Variants in FAM98B observed in about 807,000 individuals in gnomAD.
FAM98B encodes the protein tRNA splicing ligase complex subunit 3B.
Under a neutral mutation model 43.9 loss-of-function variants are expected in FAM98B, and 32 were observed. The observed-to-expected ratio is 0.73, with a 90% CI of 0.55 to 0.98. The LOEUF (loss-of-function observed/expected upper bound fraction) is 0.98, where lower values mean the gene tolerates loss of function less well. Ranked by LOEUF, FAM98B falls within the 50% of genes least tolerant of loss-of-function variation. The pLI, the probability that FAM98B is intolerant of heterozygous loss-of-function variation, is 0.00. For synonymous variants in FAM98B, 190 were observed against 174.0 expected, an observed-to-expected ratio of 1.09 and a Z score of -0.72; for missense variants, 514 against 522.9, an observed-to-expected ratio of 0.98 and a Z score of 0.17.
chr15:38,466,820 C>T (rs1362886640), intron 3 of FAM98B, among the ~76,000 whole-genome samples: 4 of 152,114 alleles, frequency 2.6e-5, no homozygotes, highest in Non-Finnish European at 4.4e-5. Flanking sequence ...CATTTATAAT[C>T]TCACTCCCTA....
intron 6 of FAM98B, 121 bp downstream of exon 6, chr15:38,474,419 A>G: frequency 1.7e-6 from 1 of 601,802 alleles, no homozygotes; most frequent in Non-Finnish European, 3.0e-6. Flanking sequence ...CTACATGCCC[A>G]GGCCAACTAC....
intron 6 of FAM98B, among the ~76,000 whole-genome samples, chr15:38,476,546 A>G (rs1032801072): frequency 6.7e-6 from 1 of 148,380 alleles, no homozygotes; most frequent in African/African-American, 2.5e-5. Flanking sequence ...TCCTTTTTTA[A>G]TTCAGTTTCT....
Position 38,464,186 on chromosome 15 carries a change from A to G in FAM98B, c.217+9A>G, listed in dbSNP as rs572335160. On this transcript the variant is annotated intron_variant, in intron 2 of 7. Transcript: ENST00000397609. Reference sequence around the variant, plus strand: ...AAGTATCACGTCTGCTGGTATTGCCATTATGTTGTATTTACTTTTCTGTTT... The same window carrying G: ...AAGTATCACGTCTGCTGGTATTGCCGTTATGTTGTATTTACTTTTCTGTTT... 4.4e-6 allele frequency: 7 copies of G among 1,603,590 alleles called. No individual in the cohort carries two copies. Among genetic ancestry groups the G allele is most frequent in the Non-Finnish European group, 6.0e-6 (7 of 1,174,346 alleles).
chr15:38,458,524 A>G (rs1264012805), intron 1 of FAM98B, among the ~76,000 whole-genome samples: 1 of 152,042 alleles, frequency 6.6e-6, no homozygotes, highest in Non-Finnish European at 1.5e-5. Flanking sequence ...TCACACACAC[A>G]TCTCGGGAAC....
chr15:38,459,280 A>G (rs943746042), intron 1 of FAM98B: 1 of 494,354 alleles, frequency 2.0e-6, no homozygotes, highest in Non-Finnish European at 4.1e-6. Flanking sequence ...CTTGGGGCAG[A>G]CACGTCCCTG....
chr15:38,464,419 T>C (rs75836903), intron 2 of FAM98B, among the ~76,000 whole-genome samples: 2,310 of 152,284 alleles, frequency 0.015, 22 homozygotes, highest in Middle Eastern at 0.037. Context: ...TCCTGACGGC[T>C]CTGATATCTG....
rs1890303963 is a variant in FAM98B, at chr15:38,482,899, A to G, written c.898-1356A>G. On this transcript the variant is annotated intron_variant, in intron 7 of 7. Transcript: ENST00000397609. ...TTTATTTTTGAAAGGATTATAAAGC[A>G]TAGTAAAGGAATTATATTAACTGTG... 3 of 152,224 alleles carry G rather than the reference A, an allele frequency of 2.0e-5. No homozygotes were observed. In the South Asian group the frequency reaches 6.2e-4, roughly 31 times the overall value. The allele number at this position is 152,224 out of a possible 1,614,324, so 9.4% of individuals were successfully genotyped here.
At position 38,481,074 on chromosome 15, in the gene FAM98B, C is replaced by T. The variant is rs552003252; in HGVS notation, c.730-218C>T. On this transcript the variant is annotated intron_variant, in intron 6 of 7. Coordinates refer to ENST00000397609, the MANE Select transcript of FAM98B (RefSeq NM_173611.4). ...AAATTTTTTTGTTATTATTTTTTAG[C>T]GAGTTGTTGCTGGTAGTTACATATT... Among the ~76,000 whole-genome samples the T allele has an allele frequency of 3.2e-4, 48 of 151,866 alleles. No homozygotes were observed. The South Asian group carries it at 9.2e-3, about 29-fold the overall frequency.
intron 1 of FAM98B, among the ~76,000 whole-genome samples, chr15:38,457,457 AATG>A (rs1266224373): frequency 6.6e-6 from 1 of 152,216 alleles, no homozygotes; most frequent in African/African-American, 2.4e-5. Context: ...GAATGGAGGT[AATG>A]ATGATATCAA....
chr15:38,459,180 A>T, intron 1 of FAM98B: 9 of 399,072 alleles, frequency 2.3e-5, no homozygotes, highest in Non-Finnish European at 3.9e-5. Context: ...AGGCACTGTG[A>T]AGCTAGCATT....
At chr15:38,483,174 G>A (rs917294434) in intron 7 of FAM98B, 1 of 152,142 alleles carries the variant, frequency 6.6e-6, no homozygotes, top group Non-Finnish European at 1.5e-5. Context: ...GCAATGGAAA[G>A]TCCAGAGTTG....
intron 6 of FAM98B, among the ~76,000 whole-genome samples, chr15:38,479,561 A>AGCATG (rs1890254519): frequency 6.6e-6 from 1 of 152,226 alleles, no homozygotes; most frequent in Non-Finnish European, 1.5e-5. Context: ...TTCATGTCAT[A>AGCATG]GCATGTAACA....
chr15:38,459,131 A>C (rs1889904095), intron 1 of FAM98B: 2 of 342,734 alleles, frequency 5.8e-6, no homozygotes, highest in African/African-American at 4.3e-5. Flanking sequence ...AGCTCTTTTG[A>C]GGACAGAAAC....
intron 1 of FAM98B, chr15:38,458,921 AGG>A (rs796925320): frequency 1.2e-5 from 5 of 432,940 alleles, no homozygotes; most frequent in Non-Finnish European, 2.3e-5. Flanking sequence ...GTCCAGGATG[AGG>A]GTTTTCCTCA....
At chr15:38,461,172 C>A (rs1298678292) in intron 1 of FAM98B, among the ~76,000 whole-genome samples, 1 of 148,884 alleles carries the variant, frequency 6.7e-6, no homozygotes, top group African/African-American at 2.5e-5. Context: ...AATTAAATTT[C>A]TTCAAGAGTT....
chr15:38,462,717 C>T (rs959744204), intron 1 of FAM98B, among the ~76,000 whole-genome samples: 1 of 151,992 alleles, frequency 6.6e-6, no homozygotes, highest in African/African-American at 2.4e-5. Context: ...AAGTAAAACC[C>T]CTACAATTCT....
rs940074195 is a variant in FAM98B at position 38,484,152 on chromosome 15, C to A, written c.898-103C>A. The A allele has an allele frequency of 6.9e-6, 7 of 1,010,332 alleles. No homozygotes were observed. In the Admixed American group the frequency reaches 7.2e-5, roughly 10 times the overall value. 62.6% of individuals were successfully genotyped at this position (1,010,332 alleles called of 1,614,324 possible). A position where few individuals can be genotyped will look rare whatever the true frequency, so the allele number is the denominator to read the frequency against. ...TCTGCCATGTCTGGTACTTTCATGT[C>A]CTTAAATATTGGCTTCTGTTTATTA... On this transcript the variant is annotated intron_variant, in intron 7 of 7. Coordinates refer to ENST00000397609, the MANE Select transcript of FAM98B (RefSeq NM_173611.4).
chr15:38,482,530 T>C (rs1292620356), intron 7 of FAM98B: 1 of 152,228 alleles, frequency 6.6e-6, no homozygotes, highest in Non-Finnish European at 1.5e-5. Context: ...AGGCTGTTTT[T>C]TGGATTTGGT....
rs138163141 is a variant in FAM98B at position 38,456,362 on chromosome 15, G to A, written c.71+2130G>A. Among the ~76,000 whole-genome samples the A allele has an allele frequency of 1.4e-3, 213 of 152,316 alleles. 1 individual carries two copies. Among genetic ancestry groups the A allele is most frequent in the East Asian group, 8.5e-3 (44 of 5,186 alleles). ...GTCTAGTATATACCATAGACTGACC[G>A]AATCATAATCTTCAGAGGTACAGTA... On this transcript the variant is annotated intron_variant, in intron 1 of 7. Transcript: ENST00000397609.
Sources: gnomAD v4.1 joint callset for allele counts (sites outside exome capture counted in the v4.1 genomes callset) on GRCh38, gnomAD v4.1.1 for gene constraint, MANE v1.5 for transcripts, NCBI Gene and HGNC (gene_info 2026-07-23, HGNC 2026-07-21) for gene names.